The following MAP4K5 variants were observed in gnomAD, a reference collection of about 807,000 sequenced individuals.
The protein encoded by MAP4K5 is mitogen-activated protein kinase kinase kinase kinase 5, also known as MAPK/ERK kinase kinase kinase 5.
Under a neutral mutation model 135.6 loss-of-function variants are expected in MAP4K5, and 82 were observed. That is an observed-to-expected ratio of 0.60 (90% CI 0.51 to 0.73). The LOEUF (loss-of-function observed/expected upper bound fraction) is 0.73. Among genes scored for constraint, MAP4K5 ranks in the 30% least tolerant of loss-of-function variants. The probability of loss-of-function intolerance (pLI) is 0.00; values close to 1 mark genes in which losing one functional copy is unlikely to be tolerated. For synonymous variants in MAP4K5, 347 were observed against 335.0 expected, an observed-to-expected ratio of 1.04 and a Z score of -0.39; for missense variants, 907 against 1,010.9, an observed-to-expected ratio of 0.90 and a Z score of 1.39.
intron 1 of MAP4K5, among the ~76,000 whole-genome samples, chr14:50,551,775 C>T (rs1372920458): frequency 6.6e-6 from 1 of 152,058 alleles, no homozygotes; most frequent in Non-Finnish European, 1.5e-5. Context: ...GTGATAATCT[C>T]AGTAGGCACA....
chr14:50,482,768 T>G (rs1342799524), intron 5 of MAP4K5: 1 of 166,884 alleles, frequency 6.0e-6, no homozygotes, highest in African/African-American at 2.4e-5. Flanking sequence ...AGAACGAGAC[T>G]CGGTCTCGGA....
intron 1 of MAP4K5, chr14:50,560,292 C>T: frequency 6.2e-7 from 1 of 1,614,012 alleles, no homozygotes; most frequent in Non-Finnish European, 8.5e-7. Flanking sequence ...GGGACAGAAA[C>T]AGTTGGGGTG....
intron 12 of MAP4K5, 37 bp from the exon 13 acceptor site, chr14:50,462,818 T>C: frequency 8.6e-7 from 1 of 1,166,096 alleles, no homozygotes; most frequent in Non-Finnish European, 1.3e-6. Flanking sequence ...TGAGTATGCC[T>C]TTACATCTAT....
At chr14:50,448,436 G>A (rs1303461574) in intron 15 of MAP4K5, among the ~76,000 whole-genome samples, 1 of 151,414 alleles carries the variant, frequency 6.6e-6, no homozygotes, top group Admixed American at 6.6e-5. Context: ...AGGCAATACA[G>A]AATGTAGAAT....
chr14:50,451,038 T>C (rs532796188), intron 14 of MAP4K5, among the ~76,000 whole-genome samples: 2 of 152,058 alleles, frequency 1.3e-5, no homozygotes, highest in African/African-American at 4.8e-5. Context: ...AGAGAAAAGA[T>C]AGACACAGTA....
intron 30 of MAP4K5, among the ~76,000 whole-genome samples, chr14:50,428,396 C>T (rs1236233901): frequency 1.3e-5 from 2 of 152,038 alleles, no homozygotes; most frequent in Admixed American, 6.6e-5. Flanking sequence ...GTTGGGATTA[C>T]AGGCACCCGC....
rs558797190 is a variant in MAP4K5, at chr14:50,544,675, T to C, written c.-179-2091A>G. The stretch of plus-strand genomic sequence containing the variant: ...TGGCTGGGCGATGGTGGCTCACACT[T>C]GTAATCTCAGAGCTTTGGGAGGCTG... On this transcript the variant is annotated intron_variant, in intron 1 of 8. Coordinates refer to the MAP4K5 transcript ENST00000555216. Among the ~76,000 whole-genome samples the C allele has an allele frequency of 4.6e-5, 7 of 152,192 alleles. No homozygotes were observed. The East Asian group carries it at 1.4e-3, about 29-fold the overall frequency.
At chr14:50,497,580 A>T (rs1304116180) in intron 3 of MAP4K5, among the ~76,000 whole-genome samples, 3 of 152,230 alleles carry the variant, frequency 2.0e-5, no homozygotes, top group Non-Finnish European at 2.9e-5. Context: ...TTTCAAGAAC[A>T]AGGCAAACTA....
intron 2 of MAP4K5, among the ~76,000 whole-genome samples, chr14:50,516,855 A>G (rs980204668): frequency 1.3e-5 from 2 of 152,208 alleles, no homozygotes; most frequent in African/African-American, 4.8e-5. Context: ...TCAGATCTCT[A>G]AATTCATTAA....
intron 2 of MAP4K5, among the ~76,000 whole-genome samples, chr14:50,519,837 A>C (rs978198182): frequency 3.9e-5 from 6 of 152,198 alleles, no homozygotes; most frequent in African/African-American, 1.4e-4. Flanking sequence ...GAATAACAGG[A>C]AACAATTCCT....
intron 14 of MAP4K5, 163 bp from the exon 15 acceptor site, chr14:50,448,995 C>G (rs993865478): frequency 3.5e-6 from 2 of 565,974 alleles, no homozygotes; most frequent in Admixed American, 3.9e-5. Context: ...CTTTGTTATG[C>G]TTACCAAAAG....
At chr14:50,464,019 A>G in intron 12 of MAP4K5, 33 bp downstream of exon 12, 2 of 1,224,808 alleles carry the variant, frequency 1.6e-6, no homozygotes, top group Non-Finnish European at 2.3e-6. Context: ...ATTTATGACT[A>G]TAGGAAGACC....
rs565755366 is a variant in MAP4K5, at chr14:50,540,060, C to T, written c.-94+2439G>A. 5.5e-4 allele frequency among the ~76,000 whole-genome samples: 84 copies of T among 152,286 alleles called. 1 individual carries two copies. Among genetic ancestry groups the T allele is most frequent in the Non-Finnish European group, 8.7e-4 (59 of 68,028 alleles). ...CTCGAAAGATTCTTCTGTGGCTGCCCTCAGTGGATTAGAGATGATGATTGG... is the reference window on the plus strand; with the variant it reads ...CTCGAAAGATTCTTCTGTGGCTGCCTTCAGTGGATTAGAGATGATGATTGG... On this transcript the variant is annotated intron_variant, in intron 2 of 8. Transcript: ENST00000555216.
intron 5 of MAP4K5, among the ~76,000 whole-genome samples, chr14:50,483,442 G>A (rs1009892869): frequency 2.0e-5 from 3 of 152,032 alleles, no homozygotes; most frequent in African/African-American, 7.2e-5. Flanking sequence ...TTTCTACCGC[G>A]TATTTTAATC....
chr14:50,494,178 A>T lies in MAP4K5; in HGVS notation c.167-7984T>A, dbSNP rs187752055. ...ATTATTATTATTATTTTATTTATTT[A>T]TTTTTTTTGAGACAGAGTCTCGCCT... On this transcript the variant is annotated intron_variant, in intron 3 of 32. Coordinates refer to ENST00000682126, the MANE Select transcript of MAP4K5 (RefSeq NM_006575.6). Among the ~76,000 whole-genome samples, 425 of 150,748 alleles carry T rather than the reference A, an allele frequency of 2.8e-3. 2 individuals are homozygous for T. Among genetic ancestry groups the T allele is most frequent in the African/African-American group, 9.2e-3 (381 of 41,212 alleles).
chr14:50,557,596 G>A (rs977062584), intron 1 of MAP4K5, among the ~76,000 whole-genome samples: 1 of 152,042 alleles, frequency 6.6e-6, no homozygotes, highest in African/African-American at 2.4e-5. Flanking sequence ...TCTATATGTG[G>A]GCATTCAGGT....
intron 11 of MAP4K5, among the ~76,000 whole-genome samples, chr14:50,466,189 C>T (rs2036828759): frequency 6.6e-6 from 1 of 151,812 alleles, no homozygotes. Flanking sequence ...CCAGCCTGGG[C>T]AACATAGTGA....
chr14:50,460,028 C>G (rs1299673746), intron 13 of MAP4K5, among the ~76,000 whole-genome samples: 1 of 152,068 alleles, frequency 6.6e-6, no homozygotes, highest in African/African-American at 2.4e-5. Context: ...TCCTTATGTA[C>G]ACTGCCTTTT....
intron 2 of MAP4K5, among the ~76,000 whole-genome samples, chr14:50,514,579 A>C (rs571662392): frequency 3.3e-5 from 5 of 152,216 alleles, no homozygotes; most frequent in South Asian, 2.1e-4. Context: ...TAGATGACAC[A>C]AGTCAACATT....
Sources: allele counts gnomAD v4.1 joint callset (sites outside exome capture counted in the v4.1 genomes callset), GRCh38; gene constraint gnomAD v4.1.1; transcripts MANE v1.5; gene names NCBI Gene and HGNC (gene_info 2026-07-23, HGNC 2026-07-21).